Variants in CSGALNACT1 observed in about 807,000 individuals in gnomAD.
CSGALNACT1 encodes beta4GalNAcT-1.
Under a neutral mutation model 51.0 loss-of-function variants are expected in CSGALNACT1, and 52 were observed. The ratio of observed to expected loss-of-function variants is 1.02; its 90% confidence interval spans 0.82 to 1.29. The LOEUF is 1.29. CSGALNACT1 is among the 50% of genes most tolerant of loss of function. The pLI is 0.00. For missense variants in CSGALNACT1, 935 were observed against 679.2 expected (o/e 1.38, Z -4.19); for synonymous variants, 341 against 254.4 (o/e 1.34, Z -3.24).
At chr8:19,685,688 T>G (rs764876605), upstream of CSGALNACT1, among the ~76,000 whole-genome samples, 2 of 152,158 alleles carry the variant, frequency 1.3e-5, no homozygotes, top group African/African-American at 2.4e-5. Context: ...TCAGATGAGA[T>G]GGAACGATGG....
chr8:19,700,824 G>A (rs2061824696), intron 1 of CSGALNACT1, among the ~76,000 whole-genome samples: 2 of 152,296 alleles, frequency 1.3e-5, no homozygotes, highest in South Asian at 4.1e-4. Flanking sequence ...CAGTGTGGCA[G>A]TAGCCCCTAG....
chr8:19,615,438 C>T (rs1410679055), intron 1 of CSGALNACT1, among the ~76,000 whole-genome samples: 1 of 152,216 alleles, frequency 6.6e-6, no homozygotes, highest in African/African-American at 2.4e-5. Context: ...AACTTCAGAG[C>T]TACTTTGAGT....
chr8:19,749,356 TA>T (rs3832568), intron 1 of CSGALNACT1, among the ~76,000 whole-genome samples: 34 of 148,402 alleles, frequency 2.3e-4, no homozygotes, highest in Admixed American at 3.4e-4. Context: ...TTTTTGGCTT[TA>T]AAAAAAAAAG....
At chr8:19,633,675 AC>A (rs1291295978) in intron 1 of CSGALNACT1, among the ~76,000 whole-genome samples, 1 of 152,154 alleles carries the variant, frequency 6.6e-6, no homozygotes, top group Non-Finnish European at 1.5e-5. Flanking sequence ...TGCCCTCCAG[AC>A]TTTTAGCTTT....
At chr8:19,587,678 G>T (rs1588725975) in intron 3 of CSGALNACT1, among the ~76,000 whole-genome samples, 2 of 152,100 alleles carry the variant, frequency 1.3e-5, no homozygotes. Context: ...TATTCTACAT[G>T]AACAGCTAGT....
At chr8:19,733,183 C>T (rs2063781662) in intron 1 of CSGALNACT1, among the ~76,000 whole-genome samples, 1 of 152,294 alleles carries the variant, frequency 6.6e-6, no homozygotes, top group East Asian at 1.9e-4. Flanking sequence ...TTTTGTTTTA[C>T]ATAGCAGTGC....
intron 2 of CSGALNACT1, among the ~76,000 whole-genome samples, chr8:19,600,323 A>T (rs187332180): frequency 1.8e-4 from 27 of 152,198 alleles, no homozygotes; most frequent in Non-Finnish European, 3.2e-4. Context: ...CTTGTGATCC[A>T]CCTGCTTCGG....
chr8:19,470,850 C>A (rs1219866166), intron 4 of CSGALNACT1, among the ~76,000 whole-genome samples: 1 of 152,160 alleles, frequency 6.6e-6, no homozygotes, highest in African/African-American at 2.4e-5. Flanking sequence ...AATCCCAACA[C>A]TTTCGGAGGC....
At chr8:19,570,923 AAACAAACAAAAAC>A (rs1296957437) in intron 3 of CSGALNACT1, among the ~76,000 whole-genome samples, 2 of 152,288 alleles carry the variant, frequency 1.3e-5, no homozygotes, top group African/African-American at 4.8e-5. Flanking sequence ...AAAAACAAAC[AAACAAACAAAAAC>A]AACAAACAAC....
At chr8:19,450,601 A>G (rs548263146) in intron 5 of CSGALNACT1, among the ~76,000 whole-genome samples, 1 of 152,284 alleles carries the variant, frequency 6.6e-6, no homozygotes, top group African/African-American at 2.4e-5. Context: ...TTCCACAAAC[A>G]AAAATGAAGT....
intron 6 of CSGALNACT1, among the ~76,000 whole-genome samples, chr8:19,434,851 A>G (rs1009789504): frequency 2.0e-5 from 3 of 152,060 alleles, no homozygotes; most frequent in African/African-American, 7.2e-5. Flanking sequence ...AAAAAAAAAA[A>G]GCAAATCAAC....
chr8:19,479,288 G>C (rs931930132), intron 4 of CSGALNACT1, among the ~76,000 whole-genome samples: 2 of 152,146 alleles, frequency 1.3e-5, no homozygotes, highest in Admixed American at 6.5e-5. Flanking sequence ...CAGCTATAAA[G>C]AAACACACTC....
In CSGALNACT1 at chr8:19,492,944, C is replaced by T. The variant is rs369425272; in HGVS notation, c.634+12257G>A. Among the ~76,000 whole-genome samples, 11 of 152,028 alleles carry T rather than the reference C, an allele frequency of 7.2e-5. No individual in the cohort carries two copies. In the East Asian group the frequency reaches 2.1e-3, roughly 29 times the overall value. ...TTAGTTTGTGCCCTGCCTCGCCTGT[C>T]CAGTGTATGGCATATTTGTGTCTTC... On this transcript the variant is annotated intron_variant, in intron 4 of 9. Coordinates refer to ENST00000454498, the Ensembl canonical transcript of CSGALNACT1.
At chr8:19,635,187 G>A (rs1424852533) in intron 1 of CSGALNACT1, among the ~76,000 whole-genome samples, 1 of 152,166 alleles carries the variant, frequency 6.6e-6, no homozygotes, top group Admixed American at 6.5e-5. Context: ...GGAGAGGGAG[G>A]GAGAAGACAG....
chr8:19,671,826 C>CT (rs988440542), intron 1 of CSGALNACT1, among the ~76,000 whole-genome samples: 4 of 152,100 alleles, frequency 2.6e-5, no homozygotes, highest in African/African-American at 7.2e-5. Context: ...GTTTTATTGG[C>CT]TTTTTTCCCA....
intron 1 of CSGALNACT1, among the ~76,000 whole-genome samples, chr8:19,644,658 C>G (rs1200218016): frequency 7.4e-6 from 1 of 134,270 alleles, no homozygotes; most frequent in Non-Finnish European, 1.5e-5. Context: ...TGCAGTGAGC[C>G]GAGATGGTGC....
In CSGALNACT1 at chr8:19,525,064, A is replaced by G. The variant is rs28457744; in HGVS notation, c.-296-18934T>C. Among the ~76,000 whole-genome samples, 892 of 152,304 alleles carry G rather than the reference A, an allele frequency of 5.9e-3. 9 individuals are homozygous for G. The highest frequency in any genetic ancestry group is 0.02 in the African/African-American group (840 of 41,558). On this transcript the variant is annotated intron_variant, in intron 3 of 9. Coordinates refer to ENST00000454498, the Ensembl canonical transcript of CSGALNACT1. ...TGCTTATGATTTACTACTCTGTTAC[A>G]TCTTTATTTCCAGCAATTCAGAAAA...
intron 4 of CSGALNACT1, among the ~76,000 whole-genome samples, chr8:19,487,314 G>A (rs1246305210): frequency 6.6e-6 from 1 of 152,120 alleles, no homozygotes; most frequent in African/African-American, 2.4e-5. Flanking sequence ...CAGCGATGGT[G>A]TCTGGAAATA....
chr8:19,650,321 T>C (rs550306858), intron 1 of CSGALNACT1, among the ~76,000 whole-genome samples: 1 of 152,342 alleles, frequency 6.6e-6, no homozygotes, highest in Non-Finnish European at 1.5e-5. Context: ...TTTTTTCTCT[T>C]GAAAACTGTG....
Sources: allele counts gnomAD v4.1 joint callset (sites outside exome capture counted in the v4.1 genomes callset), GRCh38; gene constraint gnomAD v4.1.1; transcripts MANE v1.5; gene names NCBI Gene and HGNC (gene_info 2026-07-23, HGNC 2026-07-21).